Variants in SPAG16 observed in about 807,000 individuals in gnomAD.
SPAG16 encodes sperm-associated antigen 16 protein.
Under a neutral mutation model 80.4 loss-of-function variants are expected in SPAG16, and 86 were observed. The observed-to-expected ratio is 1.07, with a 90% CI of 0.90 to 1.28. The LOEUF (loss-of-function observed/expected upper bound fraction) is 1.28. Among genes scored for constraint, SPAG16 ranks in the 50% most tolerant of loss-of-function variants. The pLI is 0.00. For synonymous variants in SPAG16, 294 were observed against 265.9 expected, an observed-to-expected ratio of 1.11 and a Z score of -1.03; for missense variants, 870 against 765.3, an observed-to-expected ratio of 1.14 and a Z score of -1.61.
intron 11 of SPAG16, among the ~76,000 whole-genome samples, chr2:213,879,737 T>G (rs1458040087): frequency 6.6e-6 from 1 of 152,170 alleles, no homozygotes; most frequent in Non-Finnish European, 1.5e-5. Context: ...GTGTGGTATT[T>G]GGTTTTCCAT....
chr2:213,460,935 A>G (rs1264868621), intron 9 of SPAG16, among the ~76,000 whole-genome samples: 1 of 152,190 alleles, frequency 6.6e-6, no homozygotes, highest in Admixed American at 6.5e-5. Context: ...CTGTATAAAC[A>G]TGAATATACA....
chr2:213,310,236 T>C, intron 4 of SPAG16, 59 bp downstream of exon 4: 1 of 1,213,168 alleles, frequency 8.2e-7, no homozygotes, highest in Non-Finnish European at 1.2e-6. Context: ...CATATACACT[T>C]TTAAGTGTCT....
chr2:213,918,001 G>C (rs963743346), intron 11 of SPAG16, among the ~76,000 whole-genome samples: 3 of 152,002 alleles, frequency 2.0e-5, no homozygotes, highest in African/African-American at 7.2e-5. Context: ...TTTATCAAAA[G>C]ACTTTTCTGC....
At chr2:213,356,230 AGGCTTTG>A (rs2065642028) in intron 7 of SPAG16, among the ~76,000 whole-genome samples, 1 of 152,148 alleles carries the variant, frequency 6.6e-6, no homozygotes. Flanking sequence ...TGTCTCTGCC[AGGCTTTG>A]GTATCAGGAT....
intron 15 of SPAG16, among the ~76,000 whole-genome samples, chr2:214,199,749 A>G (rs1193161180): frequency 2.0e-5 from 3 of 152,008 alleles, no homozygotes; most frequent in Admixed American, 6.6e-5. Context: ...ATGTGTTTCT[A>G]TTTGTTTGTA....
intron 15 of SPAG16, among the ~76,000 whole-genome samples, chr2:214,379,985 G>A (rs1700355149): frequency 1.3e-5 from 2 of 152,128 alleles, no homozygotes; most frequent in East Asian, 1.9e-4. Flanking sequence ...AAATAAGCAA[G>A]GCTCTAAGGT....
intron 13 of SPAG16, among the ~76,000 whole-genome samples, chr2:214,091,253 T>A (rs2052181521): frequency 6.6e-6 from 1 of 152,136 alleles, no homozygotes; most frequent in South Asian, 2.1e-4. Flanking sequence ...CTAAGCATTT[T>A]ACATTATTAT....
At chr2:213,980,723 TATAGAGAGAG>T (rs1313261637) in intron 12 of SPAG16, among the ~76,000 whole-genome samples, 2 of 93,966 alleles carry the variant, frequency 2.1e-5, no homozygotes, top group Non-Finnish European at 3.8e-5. Context: ...TATATATATA[TATAGAGAGAG>T]AGAGAGAGAG....
chr2:214,204,878 A>C (rs1460668701), intron 15 of SPAG16, among the ~76,000 whole-genome samples: 1 of 152,202 alleles, frequency 6.6e-6, no homozygotes, highest in Non-Finnish European at 1.5e-5. Flanking sequence ...TCGATTATTA[A>C]GCTAATCCAA....
intron 15 of SPAG16, among the ~76,000 whole-genome samples, chr2:214,276,554 T>G (rs77663656): frequency 0.41 from 62,957 of 151,836 alleles, 15,154 homozygotes; most frequent in South Asian, 0.57. Context: ...TCACTTACGA[T>G]GCTTAGTTTG....
At chr2:214,017,930 T>C (rs1307136766) in intron 13 of SPAG16, among the ~76,000 whole-genome samples, 1 of 152,182 alleles carries the variant, frequency 6.6e-6, no homozygotes, top group Non-Finnish European at 1.5e-5. Context: ...ATATTTTGGT[T>C]TAAATGAAAT....
intron 4 of SPAG16, among the ~76,000 whole-genome samples, chr2:213,315,860 C>T (rs2063380017): frequency 6.6e-6 from 1 of 151,922 alleles, no homozygotes; most frequent in South Asian, 2.1e-4. Flanking sequence ...CCCACTATTT[C>T]ACGGGCCTCT....
At chr2:213,770,146 G>A (rs1222357060) in intron 10 of SPAG16, among the ~76,000 whole-genome samples, 1 of 152,070 alleles carries the variant, frequency 6.6e-6, no homozygotes, top group African/African-American at 2.4e-5. Flanking sequence ...TTATATATGT[G>A]TATTAATAGG....
intron 15 of SPAG16, among the ~76,000 whole-genome samples, chr2:214,223,673 A>T (rs1358251576): frequency 6.6e-6 from 1 of 152,098 alleles, no homozygotes; most frequent in Non-Finnish European, 1.5e-5. Context: ...ATAAAATATC[A>T]ATTTTAAATT....
chr2:213,746,590 G>A (rs1261328507), intron 10 of SPAG16, among the ~76,000 whole-genome samples: 1 of 152,180 alleles, frequency 6.6e-6, no homozygotes, highest in Admixed American at 6.5e-5. Context: ...CAGATCACCC[G>A]AGGTCAGGAG....
chr2:213,590,264 TGCATAATG>T (rs1389757861), intron 10 of SPAG16, among the ~76,000 whole-genome samples: 1 of 152,166 alleles, frequency 6.6e-6, no homozygotes, highest in Admixed American at 6.5e-5. Context: ...ATGGGTATAT[TGCATAATG>T]CTGAGGTTTG....
intron 10 of SPAG16, among the ~76,000 whole-genome samples, chr2:213,643,362 A>C (rs2062685393): frequency 8.4e-5 from 1 of 11,916 alleles, no homozygotes; most frequent in East Asian, 3.7e-3. Flanking sequence ...ATATATATAT[A>C]TATATATATA....
At chr2:214,277,638 G>A (rs1360807928) in intron 15 of SPAG16, among the ~76,000 whole-genome samples, 2 of 152,206 alleles carry the variant, frequency 1.3e-5, no homozygotes, top group Non-Finnish European at 2.9e-5. Context: ...AGCAAATATT[G>A]CAGAACAGCA....
At chr2:214,019,132 T>C (rs2047732384) in intron 13 of SPAG16, among the ~76,000 whole-genome samples, 1 of 152,114 alleles carries the variant, frequency 6.6e-6, no homozygotes, top group Admixed American at 6.6e-5. Flanking sequence ...AAGTGATATA[T>C]CACATAGCAA....
Sources: allele counts gnomAD v4.1 joint callset (sites outside exome capture counted in the v4.1 genomes callset), GRCh38; gene constraint gnomAD v4.1.1; transcripts MANE v1.5; gene names NCBI Gene and HGNC (gene_info 2026-07-23, HGNC 2026-07-21).